DENND2C: variants seen among roughly 807,000 people sequenced by gnomAD.
DENND2C encodes DENN domain-containing protein 2C.
Under a neutral mutation model 112.4 loss-of-function variants are expected in DENND2C, and 72 were observed. The observed-to-expected ratio is 0.64, with a 90% CI of 0.53 to 0.78. The LOEUF (loss-of-function observed/expected upper bound fraction) is 0.78, where lower values mean the gene tolerates loss of function less well. Among genes scored for constraint, DENND2C ranks in the 30% least tolerant of loss-of-function variants. DENND2C has a pLI of 0.00. For missense variants in DENND2C, 992 were observed against 1,113.8 expected (o/e 0.89, Z 1.56); for synonymous variants, 329 against 381.6 (o/e 0.86, Z 1.61).
rs1003661365 is a variant in DENND2C, at chr1:114,610,402, T to C, written c.1369+671A>G. Among the ~76,000 whole-genome samples the C allele has an allele frequency of 5.3e-5, 8 of 152,240 alleles. No homozygotes were observed. In the East Asian group the frequency reaches 1.5e-3, roughly 29 times the overall value. ...TTAAATAATTACACTTGAGTGGCTA[T>C]AAAAAATCAGACATTTGGCTGGGTG... On this transcript the variant is annotated intron_variant, in intron 9 of 20. Transcript: ENST00000393274.
intron 3 of DENND2C, among the ~76,000 whole-genome samples, chr1:114,636,766 A>C (rs990552058): frequency 1.3e-5 from 2 of 152,054 alleles, no homozygotes; most frequent in African/African-American, 4.8e-5. Flanking sequence ...TTTTTCCTGC[A>C]AACAATATGA....
At chr1:114,651,135 C>G (rs1026522872) in intron 2 of DENND2C, among the ~76,000 whole-genome samples, 3 of 151,614 alleles carry the variant, frequency 2.0e-5, no homozygotes, top group African/African-American at 7.3e-5. Context: ...CAAAACAAAA[C>G]CAACAACAAA....
intron 20 of DENND2C, 68 bp from the exon 21 acceptor site, chr1:114,585,699 G>C (rs1348910088): frequency 2.0e-6 from 3 of 1,496,242 alleles, no homozygotes; most frequent in Middle Eastern, 1.7e-4. Flanking sequence ...TTTGAGGTAA[G>C]GGATTAACAG....
intron 3 of DENND2C, among the ~76,000 whole-genome samples, chr1:114,633,455 A>AG: frequency 1.3e-5 from 2 of 150,322 alleles, no homozygotes. Flanking sequence ...AAAAAAAAAA[A>AG]AAAAAAAGAA....
chr1:114,634,854 C>A (rs896716011), intron 3 of DENND2C, among the ~76,000 whole-genome samples: 1 of 151,670 alleles, frequency 6.6e-6, no homozygotes, highest in Non-Finnish European at 1.5e-5. Flanking sequence ...ATGGCAAAAC[C>A]CTGCCTCTAT....
intron 12 of DENND2C, 138 bp from the exon 13 acceptor site, chr1:114,601,723 A>G: frequency 1.4e-6 from 1 of 715,124 alleles, no homozygotes; most frequent in South Asian, 2.4e-5. Flanking sequence ...TGAACACTGA[A>G]AGATGTGAAA....
Position 114,611,233 on chromosome 1 carries a change from T to C in DENND2C, c.1325-116A>G, listed in dbSNP as rs1411409401. On this transcript the variant is annotated intron_variant, in intron 8 of 20. Coordinates refer to ENST00000393274, the MANE Select transcript of DENND2C (RefSeq NM_001256404.2). ...TTGGAGTAAGGAATAATAAAGCTGC[T>C]GAGCCTTTCTCCAAACCACTTGGTT... is the stretch of plus-strand genomic sequence containing the variant. 1.7e-5 allele frequency: 20 copies of C among 1,151,256 alleles called. No individual in the cohort carries two copies. In the East Asian group the frequency reaches 4.7e-4, roughly 27 times the overall value. The allele number at this position is 1,151,256 out of a possible 1,614,324, so 71.3% of individuals were successfully genotyped here.
At position 114,585,523 on chromosome 1, in the gene DENND2C, A is replaced by G; in HGVS notation, c.*77T>C. 6.7e-7 allele frequency: 1 copy of G among 1,497,632 alleles called. No homozygotes were observed. The highest frequency in any genetic ancestry group is 9.2e-7 in the Non-Finnish European group (1 of 1,083,596). The allele number at this position is 1,497,632 out of a possible 1,614,324, so 92.8% of individuals were successfully genotyped here. A position where few individuals can be genotyped will look rare whatever the true frequency, so the allele number is the denominator to read the frequency against. Reference sequence around the variant, plus strand: ...TTTCAAGAATTTTGTAGAATACTTCATGGGATCCTGACCCTTAGAAAAATA... The same window carrying G: ...TTTCAAGAATTTTGTAGAATACTTCGTGGGATCCTGACCCTTAGAAAAATA... On this transcript the variant is annotated 3_prime_UTR_variant, in exon 21 of 21. Coordinates refer to ENST00000393274, the MANE Select transcript of DENND2C (RefSeq NM_001256404.2).
At chr1:114,619,797 A>G (rs764984875) in intron 7 of DENND2C, among the ~76,000 whole-genome samples, 29 of 152,222 alleles carry the variant, frequency 1.9e-4, no homozygotes, top group Non-Finnish European at 4.0e-4. Flanking sequence ...GAAAAGTAGA[A>G]TCAAAAGTAT....
chr1:114,603,136 A>G (rs957174022), intron 11 of DENND2C, among the ~76,000 whole-genome samples: 8 of 96,598 alleles, frequency 8.3e-5, no homozygotes, highest in African/African-American at 3.8e-4. Flanking sequence ...ATAATCAAAT[A>G]AGTCCATTTT....
chr1:114,641,260 C>CAA (rs11316853), intron 3 of DENND2C, among the ~76,000 whole-genome samples: 3 of 98,998 alleles, frequency 3.0e-5, no homozygotes, highest in East Asian at 2.9e-4. Flanking sequence ...GATCCTTTCT[C>CAA]AAAAAAAAAA....
At chr1:114,586,726 TATTTTTTTA>T (rs1655049657) in intron 20 of DENND2C, 1 of 150,986 alleles carries the variant, frequency 6.6e-6, no homozygotes, top group African/African-American at 2.4e-5. Flanking sequence ...TATTTTTATT[TATTTTTTTA>T]ATTTTTATTT....
chr1:114,628,903 T>G (rs1656416932), intron 3 of DENND2C, among the ~76,000 whole-genome samples: 1 of 152,240 alleles, frequency 6.6e-6, no homozygotes. Flanking sequence ...TCCTAACTCC[T>G]AAGTGCTGGC....
In DENND2C at chr1:114,664,091, A is replaced by C. The variant is rs188566908; in HGVS notation, c.-574+5892T>G. Among the ~76,000 whole-genome samples the C allele has an allele frequency of 9.4e-4, 142 of 151,688 alleles. 1 individual carries two copies. The highest frequency in any genetic ancestry group is 3.4e-3 in the Middle Eastern group (1 of 292). Reference sequence around the variant, plus strand: ...GCGGCTGGGACCACAGGCATGTGCCACCATGCCAGCTAATTTTTTAAAATT... The same window carrying C: ...GCGGCTGGGACCACAGGCATGTGCCCCCATGCCAGCTAATTTTTTAAAATT... On this transcript the variant is annotated intron_variant, in intron 1 of 20. Transcript: ENST00000393274.
At chr1:114,653,417 G>A (rs1657223401) in intron 2 of DENND2C, among the ~76,000 whole-genome samples, 1 of 151,844 alleles carries the variant, frequency 6.6e-6, no homozygotes, top group Non-Finnish European at 1.5e-5. Context: ...CCTCCTATTA[G>A]TACTTTTTAT....
At chr1:114,596,429 C>A (rs1484050890) in intron 16 of DENND2C, among the ~76,000 whole-genome samples, 1 of 152,110 alleles carries the variant, frequency 6.6e-6, no homozygotes, top group Admixed American at 6.5e-5. Flanking sequence ...CTGATTTAAA[C>A]AAATTATTAA....
chr1:114,617,775 A>G (rs1236017189), intron 8 of DENND2C, among the ~76,000 whole-genome samples: 1 of 152,192 alleles, frequency 6.6e-6, no homozygotes, highest in African/African-American at 2.4e-5. Context: ...CTACAACAAA[A>G]GAGTCTATAC....
intron 2 of DENND2C, among the ~76,000 whole-genome samples, chr1:114,652,533 G>C (rs1408647183): frequency 6.6e-6 from 1 of 151,888 alleles, no homozygotes; most frequent in African/African-American, 2.4e-5. Flanking sequence ...GTAATCCCTT[G>C]GTATGTGTGG....
chr1:114,586,656 C>T (rs776240350), intron 20 of DENND2C: 3 of 150,986 alleles, frequency 2.0e-5, no homozygotes, highest in Non-Finnish European at 4.4e-5. Flanking sequence ...TGTGATGAGG[C>T]CCACTTACTG....
Sources: allele counts gnomAD v4.1 joint callset (sites outside exome capture counted in the v4.1 genomes callset), GRCh38; gene constraint gnomAD v4.1.1; transcripts MANE v1.5; gene names NCBI Gene and HGNC (gene_info 2026-07-23, HGNC 2026-07-21).